GPC6: variants seen among roughly 807,000 people sequenced by gnomAD.
The protein encoded by GPC6 is glypican 6.
A neutral mutation model predicts 55.2 loss-of-function variants in GPC6; 14 were observed. That is an observed-to-expected ratio of 0.25 (90% CI 0.17 to 0.40). GPC6 has a LOEUF of 0.40. Ranked by LOEUF, GPC6 falls within the 10% of genes least tolerant of loss-of-function variation. The pLI is 1.00. For missense variants in GPC6, 641 were observed against 708.5 expected (o/e 0.90, Z 1.08); for synonymous variants, 278 against 259.6 (o/e 1.07, Z -0.68).
At chr13:93,863,115 G>T (rs1381054563) in intron 3 of GPC6, among the ~76,000 whole-genome samples, 2 of 151,614 alleles carry the variant, frequency 1.3e-5, no homozygotes, top group African/African-American at 4.8e-5. Context: ...ATGCTACAAG[G>T]CTGACTAGAG....
intron 3 of GPC6, among the ~76,000 whole-genome samples, chr13:93,899,233 T>C (rs529224721): frequency 5.3e-5 from 8 of 152,006 alleles, no homozygotes; most frequent in South Asian, 4.2e-4. Context: ...AAGCACTTCA[T>C]AGGATCCCTA....
chr13:94,206,942 C>T (rs947271785), intron 4 of GPC6, among the ~76,000 whole-genome samples: 1 of 152,174 alleles, frequency 6.6e-6, no homozygotes, highest in Non-Finnish European at 1.5e-5. Context: ...ACCATACTTC[C>T]AGTCACCCCC....
rs1880747130 is a variant in GPC6, at chr13:93,354,277, G to A, written c.160+126661G>A. On this transcript the variant is annotated intron_variant, in intron 1 of 8. Coordinates refer to ENST00000377047, the MANE Select transcript of GPC6 (RefSeq NM_005708.5). Reference sequence around the variant, plus strand: ...TGTTCATGGTAAACTGCTACCCTCAGATTTTCTTTGCCAAGATAACCTTAA... The same window carrying A: ...TGTTCATGGTAAACTGCTACCCTCAAATTTTCTTTGCCAAGATAACCTTAA... Among the ~76,000 whole-genome samples the A allele has an allele frequency of 2.6e-5, 4 of 151,114 alleles. No homozygotes were observed. The South Asian group carries it at 8.3e-4, about 31-fold the overall frequency.
At chr13:93,806,921 A>G (rs191019618) in intron 2 of GPC6, among the ~76,000 whole-genome samples, 1 of 135,204 alleles carries the variant, frequency 7.4e-6, no homozygotes, top group East Asian at 2.2e-4. Flanking sequence ...CAGAAATTTC[A>G]TTTAAAAGTA....
intron 4 of GPC6, among the ~76,000 whole-genome samples, chr13:94,141,062 A>G (rs1013018202): frequency 2.6e-5 from 4 of 152,168 alleles, no homozygotes; most frequent in African/African-American, 9.7e-5. Flanking sequence ...AGGAATGACC[A>G]TGGCCTGTGG....
At chr13:93,455,818 T>C (rs1159669834) in intron 1 of GPC6, among the ~76,000 whole-genome samples, 1 of 152,170 alleles carries the variant, frequency 6.6e-6, no homozygotes, top group African/African-American at 2.4e-5. Context: ...CCTAGTACTC[T>C]GTGCAGGGGA....
chr13:93,991,576 G>C (rs979650137), intron 3 of GPC6, among the ~76,000 whole-genome samples: 3 of 152,050 alleles, frequency 2.0e-5, no homozygotes, highest in African/African-American at 7.2e-5. Context: ...TTGACTTATA[G>C]GAAGTTCCAT....
intron 2 of GPC6, among the ~76,000 whole-genome samples, chr13:93,746,407 C>T (rs982750577): frequency 1.3e-5 from 2 of 152,140 alleles, no homozygotes; most frequent in Non-Finnish European, 2.9e-5. Context: ...AGATTCAAGG[C>T]ATTCCCAGAA....
chr13:93,676,687 A>G (rs999878191), intron 2 of GPC6, among the ~76,000 whole-genome samples: 2 of 152,288 alleles, frequency 1.3e-5, no homozygotes, highest in South Asian at 4.1e-4. Context: ...ATCTTTATTT[A>G]TACCTCCTCT....
chr13:93,673,059 A>G (rs1881435750), intron 2 of GPC6, among the ~76,000 whole-genome samples: 1 of 152,196 alleles, frequency 6.6e-6, no homozygotes, highest in Admixed American at 6.5e-5. Flanking sequence ...GTTTACTGAA[A>G]ATAAACGTGA....
intron 4 of GPC6, among the ~76,000 whole-genome samples, chr13:94,127,653 G>C (rs983072391): frequency 5.9e-5 from 9 of 152,090 alleles, no homozygotes; most frequent in Admixed American, 3.3e-4. Context: ...ACCAGCCCTG[G>C]TCATTGCCAG....
chr13:93,419,473 A>G (rs1184945976), intron 1 of GPC6, among the ~76,000 whole-genome samples: 1 of 152,140 alleles, frequency 6.6e-6, no homozygotes, highest in African/African-American at 2.4e-5. Context: ...TGTAGTTTGG[A>G]AACCATTTAG....
chr13:94,273,805 G>A (rs1201760081), intron 4 of GPC6, among the ~76,000 whole-genome samples: 1 of 152,160 alleles, frequency 6.6e-6, no homozygotes. Flanking sequence ...CTCTCAGAAA[G>A]ATCTTTAAGA....
intron 1 of GPC6, among the ~76,000 whole-genome samples, chr13:93,388,396 G>A (rs1328345193): frequency 2.0e-5 from 3 of 152,158 alleles, no homozygotes; most frequent in African/African-American, 7.2e-5. Flanking sequence ...ATCCCTTGGG[G>A]GCTCAAATTG....
At chr13:94,171,297 G>A (rs902824399) in intron 4 of GPC6, among the ~76,000 whole-genome samples, 2 of 152,164 alleles carry the variant, frequency 1.3e-5, no homozygotes, top group African/African-American at 4.8e-5. Context: ...AACACAGCCA[G>A]CGCAACATAG....
At chr13:93,752,951 T>G (rs1428321176) in intron 2 of GPC6, among the ~76,000 whole-genome samples, 3 of 152,192 alleles carry the variant, frequency 2.0e-5, no homozygotes, top group African/African-American at 7.2e-5. Flanking sequence ...TCCAACAGTC[T>G]CCCCTTTACA....
At chr13:93,553,751 G>A (rs1433842299) in intron 2 of GPC6, among the ~76,000 whole-genome samples, 1 of 148,788 alleles carries the variant, frequency 6.7e-6, no homozygotes, top group East Asian at 2.0e-4. Context: ...GATGATCATT[G>A]TTGAAGCTGG....
intron 4 of GPC6, among the ~76,000 whole-genome samples, chr13:94,046,285 T>C (rs1410104131): frequency 2.0e-5 from 3 of 152,040 alleles, no homozygotes; most frequent in Non-Finnish European, 4.4e-5. Context: ...TTTCCCTAAG[T>C]GATAGTGCTG....
rs539108949 is a variant in GPC6, at chr13:93,425,245, C to T, written c.161-120018C>T. On this transcript the variant is annotated intron_variant, in intron 1 of 8. Coordinates refer to ENST00000377047, the MANE Select transcript of GPC6 (RefSeq NM_005708.5). ...GCTTTTACTGTGGCTCGGCTGGGTA[C>T]TGGCCACTTTAGCAACATTGAAATA... Among the ~76,000 whole-genome samples, 23 of 152,218 alleles carry T rather than the reference C, an allele frequency of 1.5e-4. 1 individual carries two copies. The Middle Eastern group carries it at 0.01, about 68-fold the overall frequency.
Sources: allele counts gnomAD v4.1 joint callset (sites outside exome capture counted in the v4.1 genomes callset), GRCh38; gene constraint gnomAD v4.1.1; transcripts MANE v1.5; gene names NCBI Gene and HGNC (gene_info 2026-07-23, HGNC 2026-07-21).